SOX5: variants seen among roughly 807,000 people sequenced by gnomAD.
The protein encoded by SOX5 is transcription factor SOX-5.
In SOX5, 9 loss-of-function variants were observed where a neutral mutation model predicts 92.0. That is an observed-to-expected ratio of 0.10 (90% CI 0.06 to 0.17). SOX5 has a LOEUF of 0.17. Among genes scored for constraint, SOX5 ranks in the 10% least tolerant of loss-of-function variants. The pLI is 1.00. For missense variants in SOX5, 642 were observed against 944.5 expected (o/e 0.68, Z 4.20); for synonymous variants, 344 against 336.3 (o/e 1.02, Z -0.25).
At chr12:23,849,176 T>G (rs931434434) in intron 2 of SOX5, among the ~76,000 whole-genome samples, 2 of 152,232 alleles carry the variant, frequency 1.3e-5, no homozygotes, top group Non-Finnish European at 2.9e-5. Flanking sequence ...CATGTGTTTC[T>G]TTTATTATTC....
At chr12:23,725,487 A>G (rs998227752) in intron 6 of SOX5, among the ~76,000 whole-genome samples, 2 of 152,140 alleles carry the variant, frequency 1.3e-5, no homozygotes, top group Non-Finnish European at 2.9e-5. Flanking sequence ...CCATGATTCA[A>G]TGACCTCCCA....
intron 8 of SOX5, among the ~76,000 whole-genome samples, chr12:23,610,259 G>C (rs2075785853): frequency 6.6e-6 from 1 of 152,050 alleles, no homozygotes; most frequent in African/African-American, 2.4e-5. Flanking sequence ...CCTAGAGGTG[G>C]TAAATTCTTG....
At chr12:24,461,259 T>C (rs1943591205) in intron 1 of SOX5, among the ~76,000 whole-genome samples, 1 of 7,898 alleles carries the variant, frequency 1.3e-4, no homozygotes, top group South Asian at 0.029. Flanking sequence ...TCCAAGCTGG[T>C]CATTTAAGTC....
chr12:23,815,169 G>T (rs1395497213), intron 3 of SOX5, among the ~76,000 whole-genome samples: 4 of 152,238 alleles, frequency 2.6e-5, no homozygotes, highest in Admixed American at 2.6e-4. Flanking sequence ...AAAGCATGCA[G>T]GTCAGTTACC....
chr12:24,170,148 A>G (rs1953913969), intron 4 of SOX5, among the ~76,000 whole-genome samples: 1 of 151,726 alleles, frequency 6.6e-6, no homozygotes, highest in South Asian at 2.1e-4. Context: ...GAAAGACAAA[A>G]ATGAAATAAA....
At chr12:24,122,544 T>G (rs138461009) in intron 4 of SOX5, among the ~76,000 whole-genome samples, 4 of 152,344 alleles carry the variant, frequency 2.6e-5, no homozygotes, top group African/African-American at 9.6e-5. Flanking sequence ...ACACTTGTTT[T>G]TGACATTTTG....
chr12:23,800,712 C>A (rs1442218790), intron 3 of SOX5, among the ~76,000 whole-genome samples: 1 of 152,074 alleles, frequency 6.6e-6, no homozygotes, highest in African/African-American at 2.4e-5. Flanking sequence ...AAGAGCCTTG[C>A]AGCTGCTCAC....
chr12:24,215,629 A>G (rs979783447), intron 3 of SOX5, among the ~76,000 whole-genome samples: 10 of 152,182 alleles, frequency 6.6e-5, no homozygotes, highest in Non-Finnish European at 1.5e-4. Flanking sequence ...GACAACCCAC[A>G]TTCATGGATG....
chr12:24,296,715 C>T (rs1947287820), intron 2 of SOX5, among the ~76,000 whole-genome samples: 1 of 151,788 alleles, frequency 6.6e-6, no homozygotes, highest in African/African-American at 2.4e-5. Flanking sequence ...GAATCACTCT[C>T]CTACGCAGCC....
intron 4 of SOX5, among the ~76,000 whole-genome samples, chr12:24,031,122 A>C (rs889836314): frequency 1.3e-5 from 2 of 151,896 alleles, no homozygotes; most frequent in Admixed American, 6.6e-5. Context: ...GCCATTATGG[A>C]AAACAGTATG....
intron 4 of SOX5, among the ~76,000 whole-genome samples, chr12:23,755,079 C>G (rs1427392365): frequency 1.3e-5 from 2 of 151,686 alleles, no homozygotes; most frequent in Admixed American, 6.6e-5. Flanking sequence ...AATCTTCTCC[C>G]CTTGTTATTA....
chr12:24,065,277 G>A (rs928654661), intron 4 of SOX5, among the ~76,000 whole-genome samples: 1 of 152,144 alleles, frequency 6.6e-6, no homozygotes, highest in Non-Finnish European at 1.5e-5. Context: ...AGGGAAAATT[G>A]CAGGAGAGAG....
intron 4 of SOX5, among the ~76,000 whole-genome samples, chr12:23,965,609 G>A (rs947156126): frequency 7.9e-5 from 12 of 152,118 alleles, no homozygotes; most frequent in Admixed American, 5.9e-4. Flanking sequence ...TTTCTGTTTC[G>A]TTTTGTTTTT....
At chr12:24,505,911 C>T (rs1948697356) in intron 1 of SOX5, among the ~76,000 whole-genome samples, 1 of 139,648 alleles carries the variant, frequency 7.2e-6, no homozygotes, top group Admixed American at 7.6e-5. Flanking sequence ...GCAACCCCAA[C>T]CACGGCTTCT....
intron 1 of SOX5, among the ~76,000 whole-genome samples, chr12:24,476,174 C>G (rs11047470): frequency 0.24 from 36,041 of 152,044 alleles, 4,364 homozygotes; most frequent in Middle Eastern, 0.29. Context: ...GCATCTAAGA[C>G]TAAGAAATAG....
At chr12:24,357,745 A>T (rs1031946584) in intron 2 of SOX5, among the ~76,000 whole-genome samples, 2 of 151,996 alleles carry the variant, frequency 1.3e-5, no homozygotes, top group Admixed American at 6.6e-5. Context: ...CTGGAGGGTG[A>T]CAAGAGAATT....
At chr12:24,497,834 T>C (rs1566312524) in intron 1 of SOX5, among the ~76,000 whole-genome samples, 1 of 152,028 alleles carries the variant, frequency 6.6e-6, no homozygotes. Context: ...ATAAAGAAAA[T>C]GTGGTACATA....
chr12:24,556,505 T>G (rs1953795956), intron 1 of SOX5, among the ~76,000 whole-genome samples: 2 of 152,202 alleles, frequency 1.3e-5, no homozygotes, highest in Admixed American at 1.3e-4. Context: ...AAAACTCAGA[T>G]GGATTTCTTT....
At chr12:23,535,380 A>G (rs781386172) in intron 14 of SOX5, among the ~76,000 whole-genome samples, 2 of 152,182 alleles carry the variant, frequency 1.3e-5, no homozygotes, top group South Asian at 2.1e-4. Flanking sequence ...AGCTTCATGG[A>G]TGTACAAACT....
Sources: allele counts gnomAD v4.1 joint callset (sites outside exome capture counted in the v4.1 genomes callset), GRCh38; gene constraint gnomAD v4.1.1; transcripts MANE v1.5; gene names NCBI Gene and HGNC (gene_info 2026-07-23, HGNC 2026-07-21).